Variants in MMAB observed in about 807,000 individuals in gnomAD.
The protein encoded by MMAB is metabolism of cobalamin associated B.
In MMAB, 17 loss-of-function variants were observed where a neutral mutation model predicts 30.6. The ratio of observed to expected loss-of-function variants is 0.56; its 90% CI spans 0.38 to 0.83. The LOEUF (loss-of-function observed/expected upper bound fraction) is 0.83. Ranked by LOEUF, MMAB falls within the 40% of genes least tolerant of loss-of-function variation. The pLI, the probability that MMAB is intolerant of heterozygous loss-of-function variation, is 0.00. For synonymous variants in MMAB, 134 were observed against 138.6 expected, an observed-to-expected ratio of 0.97 and a Z score of 0.23; for missense variants, 311 against 331.6, an observed-to-expected ratio of 0.94 and a Z score of 0.48.
intron 7 of MMAB, among the ~76,000 whole-genome samples, chr12:109,559,440 T>G (rs1257955148): frequency 2.0e-5 from 3 of 152,212 alleles, no homozygotes; most frequent in Non-Finnish European, 4.4e-5. Flanking sequence ...CCAGCCAGCT[T>G]TTGTACCACT....
In MMAB at chr12:109,554,876, CCTG is replaced by C. The variant is rs938754804; in HGVS notation, c.*2149_*2151del. On this transcript the variant is annotated 3_prime_UTR_variant, in exon 9 of 9. Transcript: ENST00000545712. ...AGGTTGGTAGCACAGGAGAGAAACACCTGCTGAGTGGTGGCATCTGCCCTGCAC... is the reference window on the plus strand; with the variant it reads ...AGGTTGGTAGCACAGGAGAGAAACACCTGAGTGGTGGCATCTGCCCTGCAC... 1 of 453,748 alleles carries C rather than the reference CCTG, an allele frequency of 2.2e-6. No individual in the cohort carries two copies. The highest frequency in any genetic ancestry group is 2.0e-5 in the African/African-American group (1 of 49,988). The allele number at this position is 453,748 out of a possible 1,614,324, so 28.1% of individuals were successfully genotyped here.
intron 3 of MMAB, among the ~76,000 whole-genome samples, chr12:109,566,487 G>C (rs976714397): frequency 6.6e-6 from 1 of 152,214 alleles, no homozygotes; most frequent in Admixed American, 6.5e-5. Flanking sequence ...CCATCATAGC[G>C]GATGCCCCAT....
In MMAB at chr12:109,573,437, C is replaced by G. The variant is rs367711757; in HGVS notation, c.44G>C (p.Arg15Pro). Residue 15 changes from arginine to proline, a missense_variant, in exon 1 of 9, where the codon CGT becomes CCT. Physicochemically the swap from Arg to Pro is moderately radical, Grantham distance 103. Transcript: ENST00000545712. ...GLGSRLGLGS[R>P]LGLRGCFGAA... ...GCCGAAGCACCCGCGCAGGCCAAGA[C>G]GGCTCCCCAGGCCAAGACGGCTCCC... 1 of 1,607,008 alleles carries G rather than the reference C, an allele frequency of 6.2e-7. No individual in the cohort carries two copies. The highest frequency in any genetic ancestry group is 8.5e-7 in the Non-Finnish European group (1 of 1,177,844).
chr12:109,557,700 C>T (rs193196373), intron 8 of MMAB, among the ~76,000 whole-genome samples: 16 of 152,334 alleles, frequency 1.1e-4, no homozygotes, highest in Middle Eastern at 3.4e-3. Flanking sequence ...AGGATGCTGA[C>T]AGCACCTTTG....
intron 1 of MMAB, chr12:109,573,113 C>T: frequency 5.0e-6 from 3 of 599,160 alleles, no homozygotes; most frequent in Middle Eastern, 4.5e-4. Flanking sequence ...CCTCCTGGCC[C>T]ACATGGGATA....
chr12:109,564,853 A>G (rs1017382741), intron 4 of MMAB: 6 of 570,998 alleles, frequency 1.1e-5, no homozygotes, highest in South Asian at 2.0e-5. Context: ...TAATTTTCAA[A>G]TATTTTGTAG....
intron 3 of MMAB, among the ~76,000 whole-genome samples, chr12:109,567,480 G>A (rs1884476015): frequency 6.6e-6 from 1 of 152,126 alleles, no homozygotes; most frequent in Non-Finnish European, 1.5e-5. Context: ...GACTGTTGCT[G>A]CTCCCCCTGT....
intron 4 of MMAB, among the ~76,000 whole-genome samples, chr12:109,564,662 G>A (rs575685769): frequency 6.6e-6 from 1 of 151,844 alleles, no homozygotes; most frequent in South Asian, 2.1e-4. Context: ...AAAGTGCTGG[G>A]ATTACAGGCT....
intron 4 of MMAB, among the ~76,000 whole-genome samples, chr12:109,564,106 T>C (rs1003753043): frequency 1.1e-4 from 16 of 152,230 alleles, no homozygotes; most frequent in African/African-American, 3.9e-4. Context: ...ACCGGCTTTC[T>C]CAGCCTCGGT....
At position 109,553,964 on chromosome 12, in the gene MMAB, G is replaced by T. The variant is rs773624469; in HGVS notation, c.*3064C>A. The T allele has an allele frequency of 1.3e-5, 6 of 454,026 alleles. No homozygotes were observed. Among genetic ancestry groups the T allele is most frequent in the South Asian group, 9.3e-5 (6 of 64,466 alleles). 28.1% of individuals were successfully genotyped at this position (454,026 alleles called of 1,614,324 possible). On this transcript the variant is annotated 3_prime_UTR_variant, in exon 9 of 9. Coordinates refer to ENST00000545712, the MANE Select transcript of MMAB (RefSeq NM_052845.4). ...CTGTGGAAATTACTCGATGAAAAAC[G>T]CACATTAACGATAGCCATGAAATAT...
chr12:109,554,390 C>T lies in MMAB; in HGVS notation c.*2638G>A. On this transcript the variant is annotated 3_prime_UTR_variant, in exon 9 of 9. Coordinates refer to ENST00000545712, the MANE Select transcript of MMAB (RefSeq NM_052845.4). ...AAACACCCCATTCCAGGGAGCCTGA[C>T]CTGGAGGCGGAGGAGGCATTTTCAT... The T allele has an allele frequency of 2.2e-6, 1 of 454,042 alleles. No individual in the cohort carries two copies. Among genetic ancestry groups the T allele is most frequent in the South Asian group, 1.6e-5 (1 of 64,480 alleles). The allele number at this position is 454,042 out of a possible 1,614,324, so 28.1% of individuals were successfully genotyped here. A position where few individuals can be genotyped will look rare whatever the true frequency, so the allele number is the denominator to read the frequency against.
In MMAB at chr12:109,555,283, T is replaced by TTTTTGTTTGTTTGTTTG. The variant is rs1555273686; in HGVS notation, c.*1744_*1745insCAAACAAACAAACAAAA. ...GTGATTGCGTTTTCAGGGTTTTTTTTTTTTTTTTTTTTTTTTTGTGACGGA... is the reference window on the plus strand; with the variant it reads ...GTGATTGCGTTTTCAGGGTTTTTTTTTTTTGTTTGTTTGTTTGTTTTTTTTTTTTTTTTTGTGACGGA... On this transcript the variant is annotated 3_prime_UTR_variant, in exon 9 of 9. Coordinates refer to ENST00000545712, the MANE Select transcript of MMAB (RefSeq NM_052845.4). The TTTTTGTTTGTTTGTTTG allele has an allele frequency of 5.3e-5, 16 of 303,746 alleles. No individual in the cohort carries two copies. Among genetic ancestry groups the TTTTTGTTTGTTTGTTTG allele is most frequent in the African/African-American group, 3.7e-4 (10 of 26,866 alleles). 18.8% of individuals were successfully genotyped at this position (303,746 alleles called of 1,614,324 possible).
At chr12:109,557,343 GT>G (rs1884015397) in intron 8 of MMAB, among the ~76,000 whole-genome samples, 1 of 152,248 alleles carries the variant, frequency 6.6e-6, no homozygotes, top group African/African-American at 2.4e-5. Context: ...CTCTACTCCA[GT>G]GTCAAGGCTG....
rs2136209155 is a variant in MMAB at position 109,569,745 on chromosome 12, T to C, written c.197-882A>G. Among the ~76,000 whole-genome samples, 1 of 152,210 alleles carries C rather than the reference T, an allele frequency of 6.6e-6. No individual in the cohort carries two copies. Among genetic ancestry groups the C allele is most frequent in the Non-Finnish European group, 1.5e-5 (1 of 67,996 alleles). The stretch of plus-strand genomic sequence containing the variant: ...GTGGTGTTCTGCTGAACACAAACCA[T>C]TTCACAGAAAACCATCAGACAGGCC... On this transcript the variant is annotated intron_variant, in intron 2 of 8. Coordinates refer to ENST00000545712, the MANE Select transcript of MMAB (RefSeq NM_052845.4). The surrounding 1 kb of genome is among the most constrained non-coding windows in gnomAD (Gnocchi z 4.1).
At chr12:109,568,712 T>C (rs1052016367) in intron 3 of MMAB, 58 bp downstream of exon 3, 1 of 1,300,522 alleles carries the variant, frequency 7.7e-7, no homozygotes, top group Non-Finnish European at 1.1e-6. Flanking sequence ...TTCACATTCA[T>C]TACGTTTACT....
intron 3 of MMAB, 125 bp downstream of exon 3, chr12:109,568,645 G>A: frequency 1.2e-6 from 1 of 811,998 alleles, no homozygotes; most frequent in South Asian, 1.4e-5. Flanking sequence ...TCAGGGCTGA[G>A]GAAAGTTCAA....
intron 7 of MMAB, 61 bp downstream of exon 7, chr12:109,560,979 C>T (rs1412728757): frequency 6.3e-6 from 4 of 629,996 alleles, no homozygotes; most frequent in Non-Finnish European, 5.8e-6. Flanking sequence ...CTCTCCCTCC[C>T]CCCTCCCCCT....
intron 3 of MMAB, among the ~76,000 whole-genome samples, chr12:109,567,563 G>T (rs1451808199): frequency 6.6e-6 from 1 of 151,710 alleles, no homozygotes; most frequent in Non-Finnish European, 1.5e-5. Context: ...CTACCCCGCT[G>T]ATGTCAGGCA....
chr12:109,561,923 G>T lies in MMAB; in HGVS notation c.349-71C>A. The T allele has an allele frequency of 7.2e-7, 1 of 1,390,812 alleles. No individual in the cohort carries two copies. Among genetic ancestry groups the T allele is most frequent in the Non-Finnish European group, 1.0e-6 (1 of 1,000,806 alleles). The allele number at this position is 1,390,812 out of a possible 1,614,324, so 86.2% of individuals were successfully genotyped here. ...CTGGACAGAGACAATGTGCAGAGGCGCCACCTAATACGCCGGCAAAGCCTG... is the reference window on the plus strand; with the variant it reads ...CTGGACAGAGACAATGTGCAGAGGCTCCACCTAATACGCCGGCAAAGCCTG... On this transcript the variant is annotated intron_variant, in intron 4 of 8. Transcript: ENST00000545712. The surrounding 1 kb of genome is among the most constrained non-coding windows in gnomAD (Gnocchi z 5.3).
Sources: allele counts gnomAD v4.1 joint callset (sites outside exome capture counted in the v4.1 genomes callset), GRCh38; gene constraint gnomAD v4.1.1; non-coding constraint Gnocchi (gnomAD v3.1); transcripts MANE v1.5; gene names NCBI Gene and HGNC (gene_info 2026-07-23, HGNC 2026-07-21).